Variants in DNMT3A observed in about 807,000 individuals in gnomAD.
DNMT3A encodes DNA (cytosine-5)-methyltransferase 3A.
A neutral mutation model predicts 117.6 loss-of-function variants in DNMT3A; 267 were observed. The observed-to-expected ratio is 2.27, with a 90% CI of 2.05 to 2.51. The LOEUF (loss-of-function observed/expected upper bound fraction) is 2.51. Among genes scored for constraint, DNMT3A ranks in the 30% most tolerant of loss-of-function variants. DNMT3A has a pLI of 0.00. For missense variants in DNMT3A, 1,029 were observed against 1,260.2 expected, an observed-to-expected ratio of 0.82 and a Z score of 2.78; for synonymous variants, 432 against 474.8, an observed-to-expected ratio of 0.91 and a Z score of 1.17.
At chr2:25,303,070 C>A (rs1201724147) in intron 2 of DNMT3A, among the ~76,000 whole-genome samples, 1 of 152,160 alleles carries the variant, frequency 6.6e-6, no homozygotes, top group Non-Finnish European at 1.5e-5. Context: ...CTGCTGAATC[C>A]CCAGCGCCTA....
chr2:25,239,137 T>G lies in DNMT3A; in HGVS notation c.2401A>C (p.Met801Leu), dbSNP rs753567076. Residue 801 changes from methionine to leucine, a missense_variant, in exon 20 of 23, where the codon ATG becomes CTG. By Grantham distance (15) the Met-to-Leu change is conservative. Transcript: ENST00000321117. ...ARYFWGNLPGMNRPLASTVND... is the reference protein window; with the variant it reads ...ARYFWGNLPGLNRPLASTVND... ...CCAGGAGCTTTCACCAACCTGTTCA[T>G]ACCGGGAAGGTTACCCCAGAAGTAG... 1 of 1,613,692 alleles carries G rather than the reference T, an allele frequency of 6.2e-7. No homozygotes were observed. The highest frequency in any genetic ancestry group is 8.5e-7 in the Non-Finnish European group (1 of 1,179,780).
At chr2:25,300,719 ATATATATATATAT>A (rs2033432275) in intron 2 of DNMT3A, among the ~76,000 whole-genome samples, 2 of 6,708 alleles carry the variant, frequency 3.0e-4, no homozygotes, top group African/African-American at 1.0e-3. Flanking sequence ...TATAATATAT[ATATATATATATAT>A]ATATATATAT....
chr2:25,244,581 C>T lies in DNMT3A; in HGVS notation c.1626G>A (p.Gly542=), dbSNP rs1183374164. ...GYQSYCTICC[G]GREVLMCGNN... The stretch of plus-strand genomic sequence containing the variant: ...TTCCGCACATGAGCACCTCACGGCC[C>T]CCACAGCAGATGGTGCAGTAGGACT... The change falls in exon 14 of 23, where the codon GGG becomes GGA. Residue 542 remains glycine (G), a synonymous_variant. Transcript: ENST00000321117. 1.9e-6 allele frequency: 3 copies of T among 1,614,084 alleles called. No homozygotes were observed. The South Asian group carries it at 3.3e-5, about 18-fold the overall frequency.
chr2:25,307,459 CTTTTT>C (rs35144977), intron 2 of DNMT3A, among the ~76,000 whole-genome samples: 2 of 79,104 alleles, frequency 2.5e-5, no homozygotes, highest in Non-Finnish European at 5.0e-5. Context: ...CACACCGCAG[CTTTTT>C]TTTTTTTTTT....
At chr2:25,295,780 G>A (rs944386224) in intron 3 of DNMT3A, among the ~76,000 whole-genome samples, 1 of 152,150 alleles carries the variant, frequency 6.6e-6, no homozygotes, top group Admixed American at 6.5e-5. Context: ...ACTACCTCAC[G>A]CAGGTTTGTC....
In DNMT3A at chr2:25,314,115, G is replaced by A. The variant is rs1215447341; in HGVS notation, c.-131C>T. On this transcript the variant is annotated 5_prime_UTR_variant, in exon 2 of 23. Transcript: ENST00000321117. Reference sequence around the variant, plus strand: ...AGATCCCGGTGTTGAGCCCTCTGGTGAACGGTGCCTCTGTCAGCCTGTGGG... The same window carrying A: ...AGATCCCGGTGTTGAGCCCTCTGGTAAACGGTGCCTCTGTCAGCCTGTGGG... The A allele has an allele frequency of 2.1e-6, 3 of 1,430,310 alleles. No individual in the cohort carries two copies. The highest frequency in any genetic ancestry group is 2.7e-6 in the Non-Finnish European group (3 of 1,094,954). The allele number at this position is 1,430,310 out of a possible 1,614,324, so 88.6% of individuals were successfully genotyped here.
In DNMT3A at chr2:25,282,663, G is replaced by T; in HGVS notation, c.226C>A (p.Pro76Thr). 1 of 1,588,128 alleles carries T rather than the reference G, an allele frequency of 6.3e-7. No homozygotes were observed. Among genetic ancestry groups the T allele is most frequent in the Non-Finnish European group, 8.6e-7 (1 of 1,167,740 alleles). Residue 76 changes from proline to threonine, a missense_variant, in exon 4 of 23, where the codon CCA becomes ACA. Pro to Thr is a conservative substitution (Grantham distance 38). Transcript: ENST00000321117. This position sits in a 1 kb window ranked among gnomAD's most constrained non-coding sequence, Gnocchi z 5.2. ...GCGCCTGAGTCCTGGGCCATGGATG[G>T]GGACTTGGAGATCACCGCAGGGTCC... The part of the protein sequence containing the change: ...PKDPAVISKS[P>T]SMAQDSGASE...
rs1301973137 is a variant in DNMT3A, at chr2:25,229,726, A to C, written c.*4553T>G. Reference sequence around the variant, plus strand: ...ACAGCTCTGAAAGACACTTGGGGCCACTGCAACTCCGCACCAAGCAGAGTA... The same window carrying C: ...ACAGCTCTGAAAGACACTTGGGGCCCCTGCAACTCCGCACCAAGCAGAGTA... On this transcript the variant is annotated 3_prime_UTR_variant, in exon 23 of 23. Transcript: ENST00000321117. 6.6e-6 allele frequency: 1 copy of C among 152,330 alleles called. No homozygotes were observed. Among genetic ancestry groups the C allele is most frequent in the Non-Finnish European group, 1.5e-5 (1 of 68,094 alleles). 9.4% of individuals were successfully genotyped at this position (152,330 alleles called of 1,614,324 possible).
intron 1 of DNMT3A, among the ~76,000 whole-genome samples, chr2:25,336,774 C>A (rs868327444): frequency 6.6e-6 from 1 of 152,176 alleles, no homozygotes; most frequent in South Asian, 2.1e-4. Context: ...CCAGCACAAC[C>A]CAGGCCCCAG....
chr2:25,242,385 C>T (rs1373481702), intron 16 of DNMT3A, among the ~76,000 whole-genome samples: 1 of 152,152 alleles, frequency 6.6e-6, no homozygotes, highest in Non-Finnish European at 1.5e-5. Context: ...ACAATCAGAG[C>T]AGATCCCGAG....
chr2:25,257,349 C>T lies in DNMT3A; in HGVS notation c.640-9097G>A, dbSNP rs73920660. Among the ~76,000 whole-genome samples, 609 of 152,356 alleles carry T rather than the reference C, an allele frequency of 4.0e-3. 4 individuals are homozygous for T. The highest frequency in any genetic ancestry group is 0.013 in the African/African-American group (553 of 41,580). On this transcript the variant is annotated intron_variant, in intron 6 of 22. Transcript: ENST00000321117. The surrounding 1 kb of genome is among the most constrained non-coding windows in gnomAD (Gnocchi z 4.8). ...ATGCTCTAAGTGGGGCAGACATTCC[C>T]CCTGTCCCTCAGTAACCCATCTCCA...
intron 2 of DNMT3A, among the ~76,000 whole-genome samples, chr2:25,303,454 G>A (rs990339526): frequency 2.0e-5 from 3 of 152,156 alleles, no homozygotes; most frequent in Admixed American, 6.5e-5. Flanking sequence ...ATTCAATTCC[G>A]TGCAACCCAG....
Position 25,233,249 on chromosome 2 carries a change from G to A in DNMT3A, c.*1030C>T, listed in dbSNP as rs1338717955. The A allele has an allele frequency of 4.3e-6, 1 of 233,736 alleles. No individual in the cohort carries two copies. The highest frequency in any genetic ancestry group is 6.0e-5 in the East Asian group (1 of 16,724). 14.5% of individuals were successfully genotyped at this position (233,736 alleles called of 1,614,324 possible). A position where few individuals can be genotyped will look rare whatever the true frequency, so the allele number is the denominator to read the frequency against. On this transcript the variant is annotated 3_prime_UTR_variant, in exon 23 of 23. Transcript: ENST00000321117. Reference sequence around the variant, plus strand: ...GCCCCCTTTTTGGCAGGGAGAACCTGGCTCCCAAGTTCTCCTCCTTCACTT... The same window carrying A: ...GCCCCCTTTTTGGCAGGGAGAACCTAGCTCCCAAGTTCTCCTCCTTCACTT...
intron 1 of DNMT3A, among the ~76,000 whole-genome samples, chr2:25,340,397 G>A (rs1347085534): frequency 2.0e-5 from 3 of 152,314 alleles, no homozygotes; most frequent in African/African-American, 7.2e-5. Flanking sequence ...CCCCCAAGAA[G>A]GGAGGCTTCA....
chr2:25,251,562 G>C lies in DNMT3A; in HGVS notation c.640-3310C>G, dbSNP rs533474765. On this transcript the variant is annotated intron_variant, in intron 6 of 22. Transcript: ENST00000321117. Reference sequence around the variant, plus strand: ...GCCTCCACCTCCCCCTGCGACTGCAGCGCTTCCCATTCCAAAGGTCAGAGG... The same window carrying C: ...GCCTCCACCTCCCCCTGCGACTGCACCGCTTCCCATTCCAAAGGTCAGAGG... Among the ~76,000 whole-genome samples the C allele has an allele frequency of 1.1e-4, 17 of 152,300 alleles. No individual in the cohort carries two copies. The East Asian group carries it at 2.7e-3, about 24-fold the overall frequency.
chr2:25,279,217 T>C (rs1322778126), intron 4 of DNMT3A, among the ~76,000 whole-genome samples: 1 of 152,214 alleles, frequency 6.6e-6, no homozygotes, highest in Non-Finnish European at 1.5e-5. Flanking sequence ...ATCTCCCGTC[T>C]TCCTGATTCT....
In DNMT3A at chr2:25,252,610, T is replaced by C. The variant is rs1172465899; in HGVS notation, c.640-4358A>G. Among the ~76,000 whole-genome samples, 3 of 144,628 alleles carry C rather than the reference T, an allele frequency of 2.1e-5. No homozygotes were observed. The highest frequency in any genetic ancestry group is 4.6e-5 in the Non-Finnish European group (3 of 65,760). The allele number at this position is 144,628 out of a possible 152,430, so 94.9% of individuals were successfully genotyped here. A position where few individuals can be genotyped will look rare whatever the true frequency, so the allele number is the denominator to read the frequency against. On this transcript the variant is annotated intron_variant, in intron 6 of 22. Transcript: ENST00000321117. This position sits in a 1 kb window ranked among gnomAD's most constrained non-coding sequence, Gnocchi z 5.5. ...CCCCTCCCCCAGCTCTGGAAGAGAT[T>C]AGCGCGGGGCCGGGGGGCCGGGAGG...
chr2:25,322,750 CT>C (rs2034644314), intron 1 of DNMT3A, among the ~76,000 whole-genome samples: 2 of 151,828 alleles, frequency 1.3e-5, no homozygotes, highest in East Asian at 1.9e-4. Context: ...GCTGGCCCCC[CT>C]GCCACCCCAC....
chr2:25,281,628 G>A lies in DNMT3A; in HGVS notation c.448+813C>T, dbSNP rs2031892600. ...GCAAAACAACCTGGCAGGGCCCTGGGAGGATCAAATGTGATAATGTATGAG... is the reference window on the plus strand; with the variant it reads ...GCAAAACAACCTGGCAGGGCCCTGGAAGGATCAAATGTGATAATGTATGAG... On this transcript the variant is annotated intron_variant, in intron 4 of 22. Coordinates refer to ENST00000321117, the MANE Select transcript of DNMT3A (RefSeq NM_022552.5). This position sits in a 1 kb window ranked among gnomAD's most constrained non-coding sequence, Gnocchi z 4.8. 1 of 1,065,066 alleles carries A rather than the reference G, an allele frequency of 9.4e-7. No homozygotes were observed. The highest frequency in any genetic ancestry group is 1.6e-5 in the African/African-American group (1 of 61,044). The allele number at this position is 1,065,066 out of a possible 1,614,324, so 66.0% of individuals were successfully genotyped here. A position where few individuals can be genotyped will look rare whatever the true frequency, so the allele number is the denominator to read the frequency against.
Sources: gnomAD v4.1 joint callset for allele counts (sites outside exome capture counted in the v4.1 genomes callset) on GRCh38, gnomAD v4.1.1 for gene constraint, Gnocchi (gnomAD v3.1) non-coding constraint, MANE v1.5 for transcripts, NCBI Gene and HGNC (gene_info 2026-07-23, HGNC 2026-07-21) for gene names.